The following IL1RAPL1 variants were observed in gnomAD, a reference collection of about 807,000 sequenced individuals.
IL1RAPL1 encodes the protein interleukin 1 receptor accessory protein like 1.
In IL1RAPL1, 3 loss-of-function variants were observed where a neutral mutation model predicts 48.4. The observed-to-expected ratio is 0.06, with a 90% CI of 0.03 to 0.16. The LOEUF (loss-of-function observed/expected upper bound fraction) is 0.16. Among genes scored for constraint, IL1RAPL1 ranks in the 10% least tolerant of loss-of-function variants. The probability of loss-of-function intolerance (pLI) is 1.00; values close to 1 mark genes in which losing one functional copy is unlikely to be tolerated. For synonymous variants in IL1RAPL1, 185 were observed against 187.7 expected, an observed-to-expected ratio of 0.99 and a Z score of 0.12; for missense variants, 349 against 530.6, an observed-to-expected ratio of 0.66 and a Z score of 3.36.
chrX:29,434,702 C>T (rs991171272), intron 5 of IL1RAPL1, among the ~76,000 whole-genome samples: 7 of 110,640 alleles, frequency 6.3e-5, no homozygotes, highest in Admixed American at 2.9e-4. Context: ...TGAGAATCAT[C>T]GATATAGTTT....
chrX:29,167,968 A>G (rs1265940036), intron 2 of IL1RAPL1, among the ~76,000 whole-genome samples: 2 of 110,995 alleles, frequency 1.8e-5, no homozygotes, highest in Admixed American at 1.9e-4. Context: ...TCACCATGGT[A>G]ATGTTGGCTT....
chrX:29,175,160 G>A (rs1027056593), intron 2 of IL1RAPL1, among the ~76,000 whole-genome samples: 6 of 110,244 alleles, frequency 5.4e-5, no homozygotes, highest in Admixed American at 9.7e-5. Context: ...AAAACCTCAC[G>A]CTCAAAATGG....
At chrX:29,138,709 G>A (rs1206746923) in intron 2 of IL1RAPL1, among the ~76,000 whole-genome samples, 2 of 106,070 alleles carry the variant, frequency 1.9e-5, no homozygotes, top group African/African-American at 3.4e-5. Context: ...CCCGGGAGGC[G>A]GAGCTTGCAG....
At chrX:28,939,234 T>C (rs1050290680) in intron 2 of IL1RAPL1, among the ~76,000 whole-genome samples, 2 of 110,862 alleles carry the variant, frequency 1.8e-5, no homozygotes, top group Non-Finnish European at 3.8e-5. Context: ...CATGCATGCA[T>C]ATGTTCATTG....
intron 1 of IL1RAPL1, among the ~76,000 whole-genome samples, chrX:28,778,196 C>T (rs748425126): frequency 4.2e-4 from 47 of 111,992 alleles, no homozygotes; most frequent in Non-Finnish European, 7.1e-4. Flanking sequence ...AAATTTGCCA[C>T]GTGTAACAAA....
At chrX:29,542,781 C>T (rs1002121074) in intron 5 of IL1RAPL1, among the ~76,000 whole-genome samples, 9 of 112,094 alleles carry the variant, frequency 8.0e-5, no homozygotes. Context: ...GATATTAAGA[C>T]TTAGACTCCT....
In IL1RAPL1 at chrX:28,946,493, T is replaced by C. The variant is rs142095584; in HGVS notation, c.82+157068T>C. On this transcript the variant is annotated intron_variant, in intron 2 of 10. Coordinates refer to ENST00000378993, the MANE Select transcript of IL1RAPL1 (RefSeq NM_014271.4). Reference sequence around the variant, plus strand: ...ATGAAGATTAAAATATGCAAAAATATTGTGAGATAACTTATACAAACCACT... The same window carrying C: ...ATGAAGATTAAAATATGCAAAAATACTGTGAGATAACTTATACAAACCACT... Among the ~76,000 whole-genome samples the C allele has an allele frequency of 3.0e-3, 334 of 111,146 alleles. 1 individual carries two copies. Among genetic ancestry groups the C allele is most frequent in the African/African-American group, 0.01 (315 of 30,666 alleles).
At chrX:29,468,346 G>A (rs1457543710) in intron 5 of IL1RAPL1, among the ~76,000 whole-genome samples, 1 of 112,420 alleles carries the variant, frequency 8.9e-6, no homozygotes, top group East Asian at 2.8e-4. Context: ...AGCAGGAAAA[G>A]CAATGTGCAA....
chrX:29,382,313 G>A (rs898611424), intron 3 of IL1RAPL1, among the ~76,000 whole-genome samples: 4 of 111,917 alleles, frequency 3.6e-5, no homozygotes, highest in African/African-American at 1.3e-4. Context: ...TAAGGAAGAG[G>A]CAGATATTGT....
chrX:29,429,887 T>TG (rs1934396074), intron 5 of IL1RAPL1, among the ~76,000 whole-genome samples: 1 of 59,672 alleles, frequency 1.7e-5, no homozygotes, highest in Non-Finnish European at 3.2e-5. Context: ...TATATGTGTG[T>TG]GTGTGTGGTG....
At chrX:28,642,132 C>T (rs925013819) in intron 1 of IL1RAPL1, among the ~76,000 whole-genome samples, 2 of 111,340 alleles carry the variant, frequency 1.8e-5, no homozygotes, top group Admixed American at 9.5e-5. Flanking sequence ...TATATATGCA[C>T]CCGATACAGG....
At chrX:29,382,003 G>T (rs1933717599) in intron 3 of IL1RAPL1, among the ~76,000 whole-genome samples, 1 of 108,512 alleles carries the variant, frequency 9.2e-6, no homozygotes, top group Admixed American at 9.9e-5. Context: ...AGAAAGCCAG[G>T]AGCATTGTAA....
chrX:28,812,786 T>C (rs1309098067), intron 2 of IL1RAPL1, among the ~76,000 whole-genome samples: 2 of 110,984 alleles, frequency 1.8e-5, no homozygotes, highest in African/African-American at 3.3e-5. Flanking sequence ...ACTATACATA[T>C]AGTGTCATAA....
At chrX:29,623,811 G>A (rs1410006618) in intron 5 of IL1RAPL1, among the ~76,000 whole-genome samples, 4 of 111,983 alleles carry the variant, frequency 3.6e-5, no homozygotes, top group Non-Finnish European at 7.5e-5. Context: ...CCTCTGAGCT[G>A]CAGCTCCTGT....
chrX:29,050,435 C>T (rs1257494345), intron 2 of IL1RAPL1, among the ~76,000 whole-genome samples: 4 of 111,519 alleles, frequency 3.6e-5, no homozygotes, highest in African/African-American at 1.3e-4. Context: ...TCCAGAGGGT[C>T]TGGTTATAGA....
intron 1 of IL1RAPL1, among the ~76,000 whole-genome samples, chrX:28,768,715 CTCTCTCTCTCTCTG>C (rs1936272150): frequency 3.1e-5 from 2 of 64,655 alleles, no homozygotes; most frequent in African/African-American, 1.4e-4. Flanking sequence ...CTCTCTCTCT[CTCTCTCTCTCTCTG>C]TCTCTCTCTC....
intron 2 of IL1RAPL1, among the ~76,000 whole-genome samples, chrX:28,895,916 C>G (rs1011460562): frequency 1.8e-5 from 2 of 112,027 alleles, no homozygotes; most frequent in Non-Finnish European, 3.8e-5. Flanking sequence ...CAGAGTTCCA[C>G]GGGCTCTGGG....
chrX:29,015,132 CTAAAG>C (rs1926211092), intron 2 of IL1RAPL1, among the ~76,000 whole-genome samples: 1 of 110,709 alleles, frequency 9.0e-6, no homozygotes, highest in African/African-American at 3.3e-5. Flanking sequence ...GTTCTGAACT[CTAAAG>C]GAAATGCTTT....
rs1026499243 is a variant in IL1RAPL1 at position 28,900,323 on chromosome X, A to T, written c.82+110898A>T. Reference sequence around the variant, plus strand: ...ATTTTCTGTGATTTACATATAAATGATCAAGTATAATAGGGCCATTAAATT... The same window carrying T: ...ATTTTCTGTGATTTACATATAAATGTTCAAGTATAATAGGGCCATTAAATT... On this transcript the variant is annotated intron_variant, in intron 2 of 10. Coordinates refer to ENST00000378993, the MANE Select transcript of IL1RAPL1 (RefSeq NM_014271.4). 4.5e-5 allele frequency among the ~76,000 whole-genome samples: 5 copies of T among 112,076 alleles called. No homozygotes were observed. In the Admixed American group the frequency reaches 4.8e-4, roughly 11 times the overall value.
Sources: allele counts gnomAD v4.1 joint callset (sites outside exome capture counted in the v4.1 genomes callset), GRCh38; gene constraint gnomAD v4.1.1; transcripts MANE v1.5; gene names NCBI Gene and HGNC (gene_info 2026-07-23, HGNC 2026-07-21).